The following NFASC variants were observed in gnomAD, a reference collection of about 807,000 sequenced individuals.
NFASC encodes the protein neurofascin, also known as neurofascin homolog.
A neutral mutation model predicts 147.5 loss-of-function variants in NFASC; 43 were observed. The ratio of observed to expected loss-of-function variants is 0.29; its 90% confidence interval spans 0.23 to 0.38. The LOEUF (loss-of-function observed/expected upper bound fraction) is 0.38, where lower values mean the gene tolerates loss of function less well. Among genes scored for constraint, NFASC ranks in the 10% least tolerant of loss-of-function variants. The probability of loss-of-function intolerance (pLI) is 1.00; values close to 1 mark genes in which losing one functional copy is unlikely to be tolerated. For missense variants in NFASC, 1,320 were observed against 1,689.0 expected, an observed-to-expected ratio of 0.78 and a Z score of 3.83; for synonymous variants, 622 against 665.5, an observed-to-expected ratio of 0.93 and a Z score of 1.01.
rs74138696 is a variant in NFASC, at chr1:205,016,766, G to A, written c.*227G>A. 7,932 of 604,386 alleles carry A rather than the reference G, an allele frequency of 0.013. 414 individuals are homozygous for A. Among genetic ancestry groups the A allele is most frequent in the African/African-American group, 0.12 (6,628 of 55,186 alleles). The allele number at this position is 604,386 out of a possible 1,614,324, so 37.4% of individuals were successfully genotyped here. ...CCACCAGTGTGGGAGAGCTGGAGCC[G>A]TGGCTGAGCTCAGCTGGAGGGAGCC... On this transcript the variant is annotated 3_prime_UTR_variant, in exon 30 of 30. Coordinates refer to ENST00000339876, the MANE Select transcript of NFASC (RefSeq NM_001005388.3). This position sits in a 1 kb window ranked among gnomAD's most constrained non-coding sequence, Gnocchi z 5.1.
chr1:204,845,907 C>T (rs992133568), intron 1 of NFASC, among the ~76,000 whole-genome samples: 2 of 151,810 alleles, frequency 1.3e-5, no homozygotes, highest in African/African-American at 4.8e-5. Flanking sequence ...GACTCTTGCT[C>T]CCAATAAGCT....
chr1:204,837,274 C>G (rs1331336771), intron 1 of NFASC, among the ~76,000 whole-genome samples: 2 of 152,172 alleles, frequency 1.3e-5, no homozygotes, highest in East Asian at 3.8e-4. Flanking sequence ...GCTTGGGCCT[C>G]TAGAGATGGG....
rs1381099777 is a variant in NFASC at position 204,991,316 on chromosome 1, C to A, written c.2782+10C>A. ...GCTACTCCAACCGCAGGTACCGTAC[C>A]AGCCGCGGAGGTAATGGGCATGGCA... On this transcript the variant is annotated intron_variant, in intron 24 of 29. Transcript: ENST00000339876. The A allele has an allele frequency of 6.2e-7, 1 of 1,612,026 alleles. No individual in the cohort carries two copies. The highest frequency in any genetic ancestry group is 8.5e-7 in the Non-Finnish European group (1 of 1,179,070).
intron 1 of NFASC, among the ~76,000 whole-genome samples, chr1:204,852,440 C>T (rs1193881594): frequency 1.3e-5 from 2 of 152,214 alleles, no homozygotes; most frequent in African/African-American, 4.8e-5. Flanking sequence ...ACAGAGGTGG[C>T]AGTGAGCTGA....
intron 1 of NFASC, among the ~76,000 whole-genome samples, chr1:204,888,361 C>T (rs1239621656): frequency 1.3e-5 from 2 of 152,132 alleles, no homozygotes; most frequent in African/African-American, 2.4e-5. Context: ...TTGGGCAATA[C>T]CTCATTCTTT....
chr1:204,977,766 T>A, intron 17 of NFASC, 41 bp downstream of exon 17: 5 of 1,581,150 alleles, frequency 3.2e-6, no homozygotes, highest in Non-Finnish European at 4.3e-6. Context: ...GTGCCCTCTC[T>A]TGGCACCCAG....
At chr1:204,995,081 C>T (rs934548321) in intron 24 of NFASC, among the ~76,000 whole-genome samples, 2 of 152,140 alleles carry the variant, frequency 1.3e-5, no homozygotes, top group Admixed American at 6.5e-5. Context: ...GATCACACCA[C>T]TACACTCCAG....
At chr1:204,874,816 G>A (rs2078434102) in intron 1 of NFASC, among the ~76,000 whole-genome samples, 1 of 152,330 alleles carries the variant, frequency 6.6e-6, no homozygotes, top group Middle Eastern at 3.4e-3. Context: ...CGGAAAAGGA[G>A]AGGTAACTTT....
At chr1:205,006,131 G>A (rs534363313) in intron 27 of NFASC, among the ~76,000 whole-genome samples, 8 of 152,346 alleles carry the variant, frequency 5.3e-5, no homozygotes, top group Admixed American at 3.9e-4. Context: ...CCCAGTTCTA[G>A]CACACGGGCA....
At position 205,016,178 on chromosome 1, in the gene NFASC, G is replaced by A. The variant is rs2096357927; in HGVS notation, c.3492-130G>A. 1 of 700,402 alleles carries A rather than the reference G, an allele frequency of 1.4e-6. No individual in the cohort carries two copies. Among genetic ancestry groups the A allele is most frequent in the African/African-American group, 1.8e-5 (1 of 56,848 alleles). 43.4% of individuals were successfully genotyped at this position (700,402 alleles called of 1,614,324 possible). On this transcript the variant is annotated intron_variant, in intron 29 of 29. Coordinates refer to ENST00000339876, the MANE Select transcript of NFASC (RefSeq NM_001005388.3). The surrounding 1 kb of genome is among the most constrained non-coding windows in gnomAD (Gnocchi z 5.1). ...TCTGCAAAGCAGGCTGGACAGGGGAGGGTGAAGCGGGGGCTGGACTGGGCG... is the reference window on the plus strand; with the variant it reads ...TCTGCAAAGCAGGCTGGACAGGGGAAGGTGAAGCGGGGGCTGGACTGGGCG...
At chr1:204,994,534 A>T (rs180822847) in intron 24 of NFASC, among the ~76,000 whole-genome samples, 2 of 152,228 alleles carry the variant, frequency 1.3e-5, no homozygotes, top group East Asian at 3.9e-4. Context: ...AGCTTTGGGG[A>T]AGACTGACTT....
intron 1 of NFASC, among the ~76,000 whole-genome samples, chr1:204,920,092 G>C (rs772070157): frequency 1.6e-4 from 25 of 152,212 alleles, no homozygotes; most frequent in Non-Finnish European, 3.2e-4. Flanking sequence ...GTCACACATA[G>C]AGAAGTGTCC....
chr1:204,899,179 G>A (rs901018406), intron 1 of NFASC, among the ~76,000 whole-genome samples: 2 of 152,156 alleles, frequency 1.3e-5, no homozygotes, highest in African/African-American at 4.8e-5. Flanking sequence ...AGCACCGCTG[G>A]CTCCATGCAG....
intron 1 of NFASC, among the ~76,000 whole-genome samples, chr1:204,843,178 C>G (rs1207130150): frequency 1.3e-5 from 2 of 152,194 alleles, no homozygotes; most frequent in Non-Finnish European, 2.9e-5. Context: ...CTGGTGACAT[C>G]ATCCAGGGCC....
Position 204,981,856 on chromosome 1 carries a change from G to T in NFASC, c.2306G>T (p.Arg769Leu). The T allele has an allele frequency of 1.9e-6, 3 of 1,602,132 alleles. No individual in the cohort carries two copies. The highest frequency in any genetic ancestry group is 2.6e-6 in the Non-Finnish European group (3 of 1,174,442). ...PNLRYIVKWR[R>L]RETREAWNNV... is the part of the protein sequence containing the mutation. ...CTGCGCTACATTGTCAAGTGGAGGC[G>T]GAGAGAGACTCGAGAGGCCTGGAAC... is the stretch of plus-strand genomic sequence containing the variant. Residue 769 changes from arginine (R) to leucine (L), a missense_variant, in exon 21 of 30, where the codon CGG (arginine) becomes CTG (leucine). Coordinates refer to ENST00000339876, the MANE Select transcript of NFASC (RefSeq NM_001005388.3).
At chr1:204,961,383 C>G (rs2094656914) in intron 8 of NFASC, among the ~76,000 whole-genome samples, 1 of 152,232 alleles carries the variant, frequency 6.6e-6, no homozygotes, top group African/African-American at 2.4e-5. Context: ...TGCACTTTCT[C>G]CTGTCCCAAG....
At position 204,968,753 on chromosome 1, in the gene NFASC, G is replaced by C; in HGVS notation, c.819-45G>C. 1 of 1,572,954 alleles carries C rather than the reference G, an allele frequency of 6.4e-7. No homozygotes were observed. The highest frequency in any genetic ancestry group is 8.6e-7 in the Non-Finnish European group (1 of 1,157,110). ...CCCAGCTGTATAGAAGAGGAGAAAG[G>C]CCACGTTTAGTGATAACTTGTTTCC... On this transcript the variant is annotated intron_variant, in intron 9 of 29. Coordinates refer to ENST00000339876, the MANE Select transcript of NFASC (RefSeq NM_001005388.3). This position sits in a 1 kb window ranked among gnomAD's most constrained non-coding sequence, Gnocchi z 5.4.
intron 1 of NFASC, among the ~76,000 whole-genome samples, chr1:204,895,784 A>G (rs979642072): frequency 2.6e-4 from 39 of 152,124 alleles, no homozygotes; most frequent in African/African-American, 9.4e-4. Flanking sequence ...ACTCACAAAT[A>G]TCCTCATTTT....
chr1:204,946,622 T>C, intron 3 of NFASC: 1 of 492,894 alleles, frequency 2.0e-6, no homozygotes, highest in Non-Finnish European at 4.1e-6. Context: ...CCTGGCACTC[T>C]ATGGCCGAGG....
Sources: gnomAD v4.1 joint callset for allele counts (sites outside exome capture counted in the v4.1 genomes callset) on GRCh38, gnomAD v4.1.1 for gene constraint, Gnocchi (gnomAD v3.1) non-coding constraint, MANE v1.5 for transcripts, NCBI Gene and HGNC (gene_info 2026-07-23, HGNC 2026-07-21) for gene names.